The following PDE3A variants were observed in gnomAD, a reference collection of about 807,000 sequenced individuals.
PDE3A encodes the protein phosphodiesterase 3A.
In PDE3A, 43 loss-of-function variants were observed where a neutral mutation model predicts 98.3. The ratio of observed to expected loss-of-function variants is 0.44; its 90% CI spans 0.34 to 0.56. The LOEUF is 0.56. Among genes scored for constraint, PDE3A ranks in the 20% least tolerant of loss-of-function variants. The pLI, the probability that PDE3A is intolerant of heterozygous loss-of-function variation, is 0.01. For synonymous variants in PDE3A, 663 were observed against 567.9 expected (o/e 1.17, Z -2.38); for missense variants, 1,427 against 1,440.7 (o/e 0.99, Z 0.15).
chr12:20,668,901 G>A (rs1270942540), intron 15 of PDE3A, among the ~76,000 whole-genome samples: 7 of 151,420 alleles, frequency 4.6e-5, no homozygotes, highest in South Asian at 2.1e-4. Flanking sequence ...AAATTACTCC[G>A]AGCTACGGGA....
intron 1 of PDE3A, among the ~76,000 whole-genome samples, chr12:20,502,954 C>A (rs1946050085): frequency 6.6e-6 from 1 of 152,016 alleles, no homozygotes; most frequent in South Asian, 2.1e-4. Context: ...TTTAATCTTT[C>A]TAAGTCATTT....
intron 1 of PDE3A, among the ~76,000 whole-genome samples, chr12:20,448,072 A>C (rs970159427): frequency 6.6e-6 from 1 of 152,172 alleles, no homozygotes; most frequent in Non-Finnish European, 1.5e-5. Flanking sequence ...TGGATCTGTC[A>C]TTTACTGAGA....
chr12:20,594,843 T>A (rs1418733440), intron 2 of PDE3A, among the ~76,000 whole-genome samples: 1 of 152,092 alleles, frequency 6.6e-6, no homozygotes, highest in Non-Finnish European at 1.5e-5. Context: ...TTTTATTGCC[T>A]TATAGCATTC....
chr12:20,418,924 A>T (rs1944467099), intron 1 of PDE3A, among the ~76,000 whole-genome samples: 2 of 152,166 alleles, frequency 1.3e-5, no homozygotes, highest in African/African-American at 4.8e-5. Flanking sequence ...TGACTGTGTC[A>T]TATTTTATGT....
At chr12:20,447,852 T>C (rs1450174595) in intron 1 of PDE3A, among the ~76,000 whole-genome samples, 1 of 152,138 alleles carries the variant, frequency 6.6e-6, no homozygotes, top group East Asian at 1.9e-4. Context: ...AATTGGCATC[T>C]GAAGAGGGGG....
In PDE3A at chr12:20,369,388, C is replaced by T; in HGVS notation, c.104C>T (p.Pro35Leu). ...CGGGACTGCCACCATCGTGCGGACCCCGCATCGCCGCGGGACTCGGGCTGC... is the reference window on the plus strand; with the variant it reads ...CGGGACTGCCACCATCGTGCGGACCTCGCATCGCCGCGGGACTCGGGCTGC... ...AGRDCHHRAD[P>L]ASPRDSGCRG... The change falls in exon 1 of 16, where the codon CCC (proline) becomes CTC (leucine). Residue 35 changes from proline (P) to leucine (L), a missense_variant. Coordinates refer to ENST00000359062, the MANE Select transcript of PDE3A (RefSeq NM_000921.5). 1.3e-6 allele frequency: 2 copies of T among 1,550,870 alleles called. No homozygotes were observed. Among genetic ancestry groups the T allele is most frequent in the Middle Eastern group, 1.8e-4 (1 of 5,662 alleles).
chr12:20,589,731 T>C (rs2121371749), intron 2 of PDE3A, among the ~76,000 whole-genome samples: 1 of 152,076 alleles, frequency 6.6e-6, no homozygotes, highest in East Asian at 1.9e-4. Flanking sequence ...TAGCCAGGCA[T>C]GCTGGCAGGC....
intron 1 of PDE3A, among the ~76,000 whole-genome samples, chr12:20,377,457 A>C (rs1943592279): frequency 6.6e-6 from 1 of 151,788 alleles, no homozygotes; most frequent in Non-Finnish European, 1.5e-5. Context: ...AGCACATTTC[A>C]GTTTGGCCTA....
At chr12:20,380,162 A>G (rs1943638874) in intron 1 of PDE3A, among the ~76,000 whole-genome samples, 2 of 152,026 alleles carry the variant, frequency 1.3e-5, no homozygotes, top group Middle Eastern at 3.4e-3. Flanking sequence ...CTTACTGAAT[A>G]GCTGTATTTT....
intron 15 of PDE3A, among the ~76,000 whole-genome samples, chr12:20,670,392 T>C (rs1945440380): frequency 6.6e-6 from 1 of 151,394 alleles, no homozygotes; most frequent in Non-Finnish European, 1.5e-5. Flanking sequence ...CAATAGAATA[T>C]ACATTTTTTT....
chr12:20,631,698 G>GTTT (rs146405398), intron 6 of PDE3A, among the ~76,000 whole-genome samples: 13 of 44,346 alleles, frequency 2.9e-4, no homozygotes, highest in Non-Finnish European at 2.1e-4. Context: ...TCATCATAGT[G>GTTT]TATTTTTTTT....
intron 1 of PDE3A, among the ~76,000 whole-genome samples, chr12:20,543,077 T>C (rs952524560): frequency 2.6e-5 from 4 of 152,024 alleles, no homozygotes; most frequent in African/African-American, 9.7e-5. Flanking sequence ...AATTGGTGCT[T>C]AGGGGTTTGG....
chr12:20,519,744 T>G (rs1387112617), intron 1 of PDE3A, among the ~76,000 whole-genome samples: 1 of 152,076 alleles, frequency 6.6e-6, no homozygotes, highest in Non-Finnish European at 1.5e-5. Flanking sequence ...GGATTTTTGT[T>G]TGGTTGATTG....
At chr12:20,564,846 A>C (rs1231288564) in intron 2 of PDE3A, among the ~76,000 whole-genome samples, 5 of 152,152 alleles carry the variant, frequency 3.3e-5, no homozygotes, top group Admixed American at 3.3e-4. Context: ...GCCTGTGGAC[A>C]TCATTTCCAT....
At chr12:20,665,985 AC>A (rs1565469226) in intron 15 of PDE3A, among the ~76,000 whole-genome samples, 1 of 114,278 alleles carries the variant, frequency 8.8e-6, no homozygotes. Context: ...TTTTTTTGAG[AC>A]CGAGTCTCAG....
intron 2 of PDE3A, among the ~76,000 whole-genome samples, chr12:20,576,383 T>C (rs970186520): frequency 1.3e-5 from 2 of 152,100 alleles, no homozygotes; most frequent in Non-Finnish European, 2.9e-5. Flanking sequence ...TTTCATATGT[T>C]ACAATTTTTA....
At chr12:20,653,130 T>G (rs1052821354) in intron 14 of PDE3A, among the ~76,000 whole-genome samples, 2 of 152,152 alleles carry the variant, frequency 1.3e-5, no homozygotes, top group Non-Finnish European at 2.9e-5. Context: ...CCTTTTTTCC[T>G]CAGAAACATT....
At chr12:20,539,715 T>C (rs975077876) in intron 1 of PDE3A, among the ~76,000 whole-genome samples, 2 of 152,050 alleles carry the variant, frequency 1.3e-5, no homozygotes, top group Admixed American at 6.6e-5. Flanking sequence ...ACCCGAAGAA[T>C]GAAAATGAGC....
intron 1 of PDE3A, among the ~76,000 whole-genome samples, chr12:20,520,135 G>A (rs1946396142): frequency 6.6e-6 from 1 of 152,132 alleles, no homozygotes; most frequent in Non-Finnish European, 1.5e-5. Context: ...AACGTGTTTG[G>A]TGAAATTCAA....
Sources: allele counts gnomAD v4.1 joint callset (sites outside exome capture counted in the v4.1 genomes callset), GRCh38; gene constraint gnomAD v4.1.1; transcripts MANE v1.5; gene names NCBI Gene and HGNC (gene_info 2026-07-23, HGNC 2026-07-21).